CEMIP2: variants seen among roughly 807,000 people sequenced by gnomAD.
CEMIP2 encodes the protein cell surface hyaluronidase CEMIP2.
In CEMIP2, 79 loss-of-function variants were observed where a neutral mutation model predicts 146.9. The observed-to-expected ratio is 0.54, with a 90% CI of 0.45 to 0.65. CEMIP2 has a LOEUF of 0.65. CEMIP2 is among the 30% of genes least tolerant of loss of function. The pLI is 0.00. For missense variants in CEMIP2, 1,596 were observed against 1,696.2 expected (o/e 0.94, Z 1.04); for synonymous variants, 601 against 606.3 (o/e 0.99, Z 0.13).
chr9:71,743,150 G>C (rs1220395508), intron 4 of CEMIP2, among the ~76,000 whole-genome samples: 1 of 151,084 alleles, frequency 6.6e-6, no homozygotes, highest in Non-Finnish European at 1.5e-5. Context: ...CAAAGAAGCC[G>C]GACACAAAAT....
intron 10 of CEMIP2, among the ~76,000 whole-genome samples, chr9:71,729,285 CT>C (rs146723082): frequency 0.07 from 10,684 of 152,096 alleles, 540 homozygotes; most frequent in South Asian, 0.19. Context: ...TAGCCCACTT[CT>C]TTTCCCCCTT....
In CEMIP2 at chr9:71,768,403, CG is replaced by C. The variant is rs1824866484; in HGVS notation, c.-60del. ...TCCGTTAACTCAGGTGCCTACACAGCGGTCCAGGGAGACGGAGAGGAGTCCC... is the reference window on the plus strand; with the variant it reads ...TCCGTTAACTCAGGTGCCTACACAGCGTCCAGGGAGACGGAGAGGAGTCCC... On this transcript the variant is annotated 5_prime_UTR_variant, in exon 1 of 24. The change abolishes the stop of an existing upstream ORF in the 5' untranslated region. Transcript: ENST00000377044. 6.6e-6 allele frequency: 1 copy of C among 152,168 alleles called. No individual in the cohort carries two copies. The allele number at this position is 152,168 out of a possible 1,614,324, so 9.4% of individuals were successfully genotyped here. A position where few individuals can be genotyped will look rare whatever the true frequency, so the allele number is the denominator to read the frequency against.
At position 71,690,172 on chromosome 9, in the gene CEMIP2, G is replaced by T. The variant is rs756521766; in HGVS notation, c.3771C>A (p.Phe1257Leu). The T allele has an allele frequency of 6.2e-7, 1 of 1,614,136 alleles. No individual in the cohort carries two copies. Among genetic ancestry groups the T allele is most frequent in the South Asian group, 1.1e-5 (1 of 91,074 alleles). ...GAAAAACCGTTTTTTCCGTCAAGCG[G>T]AATGGAACGCTGCACGGATCCACAA... Reference protein sequence around the residue: ...LLVVDPCSVPFRLTEKTVFPL... With the variant: ...LLVVDPCSVPLRLTEKTVFPL... Residue 1257 changes from phenylalanine (F) to leucine (L), a missense_variant, in exon 22 of 24, where the codon TTC becomes TTA. Physicochemically the swap from Phe to Leu is conservative, Grantham distance 22 (BLOSUM62 0). Transcript: ENST00000377044.
At position 71,745,070 on chromosome 9, in the gene CEMIP2, G is replaced by T. The variant is rs1453042069; in HGVS notation, c.982C>A (p.Gln328Lys). 6.2e-7 allele frequency: 1 copy of T among 1,613,956 alleles called. No homozygotes were observed. The highest frequency in any genetic ancestry group is 1.3e-5 in the African/African-American group (1 of 74,898). The change falls in exon 4 of 24, where the codon CAG becomes AAG. Residue 328 changes from glutamine to lysine, a missense_variant. Gln to Lys is a moderately conservative substitution (Grantham distance 53). Coordinates refer to ENST00000377044, the MANE Select transcript of CEMIP2 (RefSeq NM_013390.3). ...CTTCCCAACCGTTCCTGGATCATCTGGATGGTTCCTTGTAAGAGACTTTTA... is the reference window on the plus strand; with the variant it reads ...CTTCCCAACCGTTCCTGGATCATCTTGATGGTTCCTTGTAAGAGACTTTTA... ...AAKSLLQGTI[Q>K]MIQERLGSEL...
At chr9:71,729,959 C>A (rs368893981) in intron 9 of CEMIP2, 45 bp from the exon 10 acceptor site, 18 of 1,613,032 alleles carry the variant, frequency 1.1e-5, no homozygotes, top group Non-Finnish European at 1.4e-5. Context: ...TTCATAAAAA[C>A]TCCTGCCCAC....
At chr9:71,758,109 C>A (rs983883528) in intron 1 of CEMIP2, among the ~76,000 whole-genome samples, 2 of 152,102 alleles carry the variant, frequency 1.3e-5, no homozygotes, top group African/African-American at 4.8e-5. Context: ...TTTAAAAAAA[C>A]AACCACTGCA....
At position 71,685,754 on chromosome 9, in the gene CEMIP2, A is replaced by C. The variant is rs1423726679; in HGVS notation, c.3944T>G (p.Leu1315Arg). The C allele has an allele frequency of 6.2e-7, 1 of 1,613,138 alleles. No homozygotes were observed. ...VPLGLAKPAH[L>R]YDKGSTIFLG... is the part of the protein sequence containing the mutation. ...ATACAAATACAAACCTTTGTCATAA[A>C]GATGAGCTGGTTTGGCTAATCCCAG... is the stretch of plus-strand genomic sequence containing the variant. Residue 1315 changes from leucine to arginine, a missense_variant, in exon 23 of 24, where the codon CTT becomes CGT. Coordinates refer to ENST00000377044, the MANE Select transcript of CEMIP2 (RefSeq NM_013390.3).
chr9:71,758,113 C>T (rs57364305), intron 1 of CEMIP2, among the ~76,000 whole-genome samples: 2,419 of 152,156 alleles, frequency 0.016, 63 homozygotes, highest in African/African-American at 0.054. Flanking sequence ...AAAAAACAAC[C>T]ACTGCAAAGA....
chr9:71,746,911 A>C (rs1001654106), intron 2 of CEMIP2, among the ~76,000 whole-genome samples: 1 of 152,160 alleles, frequency 6.6e-6, no homozygotes, highest in South Asian at 2.1e-4. Context: ...CAAGTGGCTA[A>C]AGACATAACT....
At chr9:71,733,319 A>G (rs1823675018) in intron 6 of CEMIP2, among the ~76,000 whole-genome samples, 1 of 152,222 alleles carries the variant, frequency 6.6e-6, no homozygotes, top group South Asian at 2.1e-4. Context: ...AAACTCAGGA[A>G]GGAAAAATAC....
At position 71,722,501 on chromosome 9, in the gene CEMIP2, A is replaced by G; in HGVS notation, c.2193T>C (p.Ile731=). ...VHSNFKAGLF[I]DKGVKTTNSS... Reference sequence around the variant, plus strand: ...AGTTGGTTGTTTTGACACCTTTGTCAATAAATAAGCCAGCCTGAAAAATAT... The same window carrying G: ...AGTTGGTTGTTTTGACACCTTTGTCGATAAATAAGCCAGCCTGAAAAATAT... Residue 731 remains isoleucine, a synonymous_variant, in exon 12 of 24, where the codon ATT becomes ATC. Coordinates refer to ENST00000377044, the MANE Select transcript of CEMIP2 (RefSeq NM_013390.3). 5 of 1,613,292 alleles carry G rather than the reference A, an allele frequency of 3.1e-6. No individual in the cohort carries two copies. Among genetic ancestry groups the G allele is most frequent in the Non-Finnish European group, 4.2e-6 (5 of 1,179,558 alleles).
intron 18 of CEMIP2, 27 bp downstream of exon 18, chr9:71,704,568 T>C (rs764372807): frequency 1.2e-6 from 2 of 1,612,050 alleles, no homozygotes; most frequent in Non-Finnish European, 1.7e-6. Context: ...TGCTCAACTA[T>C]TTGAAATAAC....
chr9:71,717,393 GAAA>G (rs34688485), intron 13 of CEMIP2, among the ~76,000 whole-genome samples: 2 of 149,720 alleles, frequency 1.3e-5, no homozygotes, highest in Non-Finnish European at 3.0e-5. Flanking sequence ...TTCAGTGCCA[GAAA>G]AAAAAATACA....
intron 10 of CEMIP2, 82 bp from the exon 11 acceptor site, chr9:71,725,791 C>T (rs1171540663): frequency 2.1e-6 from 3 of 1,445,926 alleles, no homozygotes; most frequent in East Asian, 2.4e-5. Context: ...ACTTCTTCAT[C>T]AGCAAGTTTA....
intron 12 of CEMIP2, among the ~76,000 whole-genome samples, chr9:71,722,079 A>G (rs1465659632): frequency 6.6e-6 from 1 of 152,222 alleles, no homozygotes; most frequent in Non-Finnish European, 1.5e-5. Context: ...GGATGAGACT[A>G]AACATCTTAG....
At position 71,685,395 on chromosome 9, in the gene CEMIP2, TAAA is replaced by T. The variant is rs36080695; in HGVS notation, c.3956-5_3956-3del. On this transcript the variant is annotated splice_region_variant and splice_polypyrimidine_tract_variant and intron_variant, in intron 23 of 23. Coordinates refer to ENST00000377044, the MANE Select transcript of CEMIP2 (RefSeq NM_013390.3). ...TGAATCCCAAAAATATGGTACTCCC[TAAA>T]AAAAAAAAAAAAAAAGAAAAAGAAA... The T allele has an allele frequency of 2.8e-4, 335 of 1,177,826 alleles. No homozygotes were observed. Among genetic ancestry groups the T allele is most frequent in the South Asian group, 1.4e-3 (50 of 34,664 alleles). The allele number at this position is 1,177,826 out of a possible 1,614,324, so 73.0% of individuals were successfully genotyped here.
In CEMIP2 at chr9:71,728,285, A is replaced by ACACG. The variant is rs1417661321; in HGVS notation, c.2049+1559_2049+1560insCGTG. Reference sequence around the variant, plus strand: ...CGTATATATATATATATATATGTATATATATATATATATATACATATATAT... The same window carrying ACACG: ...CGTATATATATATATATATATGTATACACGTATATATATATATATACATATATAT... On this transcript the variant is annotated intron_variant, in intron 10 of 23. Transcript: ENST00000377044. Among the ~76,000 whole-genome samples, 2 of 27,312 alleles carry ACACG rather than the reference A, an allele frequency of 7.3e-5. 1 individual carries two copies. The highest frequency in any genetic ancestry group is 2.2e-4 in the African/African-American group (2 of 9,112). The allele number at this position is 27,312 out of a possible 152,430, so 17.9% of individuals were successfully genotyped here. A position where few individuals can be genotyped will look rare whatever the true frequency, so the allele number is the denominator to read the frequency against.
At chr9:71,728,836 T>TGTGTGTGC (rs1554684987) in intron 10 of CEMIP2, among the ~76,000 whole-genome samples, 13 of 151,494 alleles carry the variant, frequency 8.6e-5, no homozygotes, top group African/African-American at 3.2e-4. Flanking sequence ...TGTGTGTGTG[T>TGTGTGTGC]GTGTGTTTTT....
chr9:71,760,808 G>A (rs62544890), intron 1 of CEMIP2, among the ~76,000 whole-genome samples: 9,470 of 152,216 alleles, frequency 0.062, 457 homozygotes, highest in South Asian at 0.18. Context: ...AAACTGCAGA[G>A]AGATAGATTG....
Sources: gnomAD v4.1 joint callset for allele counts (sites outside exome capture counted in the v4.1 genomes callset) on GRCh38, gnomAD v4.1.1 for gene constraint, MANE v1.5 for transcripts, NCBI Gene and HGNC (gene_info 2026-07-23, HGNC 2026-07-21) for gene names.